DACH2: variants seen among roughly 807,000 people sequenced by gnomAD.
DACH2 encodes the protein dachshund homolog 2.
In DACH2, 17 loss-of-function variants were observed where a neutral mutation model predicts 35.8. The ratio of observed to expected loss-of-function variants is 0.48; its 90% CI spans 0.33 to 0.71. The LOEUF is 0.71. Among genes scored for constraint, DACH2 ranks in the 30% least tolerant of loss-of-function variants. The probability of loss-of-function intolerance (pLI) is 0.02; values close to 1 mark genes in which losing one functional copy is unlikely to be tolerated. For missense variants in DACH2, 469 were observed against 472.7 expected, an observed-to-expected ratio of 0.99 and a Z score of 0.07; for synonymous variants, 195 against 177.3, an observed-to-expected ratio of 1.10 and a Z score of -0.79.
At chrX:86,159,127 T>TA (rs112178685) in intron 1 of DACH2, among the ~76,000 whole-genome samples, 2,033 of 111,360 alleles carry the variant, frequency 0.018, 50 homozygotes, top group African/African-American at 0.063. Flanking sequence ...TGTGGATTTT[T>TA]AAAAAAATTA....
chrX:86,227,293 G>A (rs2032846078), intron 1 of DACH2, among the ~76,000 whole-genome samples: 2 of 111,600 alleles, frequency 1.8e-5, no homozygotes, highest in African/African-American at 6.5e-5. Flanking sequence ...AATATGCCAT[G>A]CTGGTTTACA....
intron 3 of DACH2, among the ~76,000 whole-genome samples, chrX:86,596,234 GTATT>G (rs2039709890): frequency 9.0e-6 from 1 of 111,613 alleles, no homozygotes; most frequent in South Asian, 3.7e-4. Flanking sequence ...ATTCTTTTGA[GTATT>G]TACGTAAGAG....
chrX:86,533,871 T>G (rs968123122), intron 3 of DACH2, among the ~76,000 whole-genome samples: 1 of 111,244 alleles, frequency 9.0e-6, no homozygotes, highest in Non-Finnish European at 1.9e-5. Flanking sequence ...GCCAGTGATA[T>G]CTCATGTGAT....
intron 1 of DACH2, among the ~76,000 whole-genome samples, chrX:86,324,762 A>G (rs1453490772): frequency 9.3e-6 from 1 of 108,033 alleles, no homozygotes; most frequent in Non-Finnish European, 1.9e-5. Context: ...TATTTTTAGT[A>G]GAAATGGGGT....
intron 2 of DACH2, among the ~76,000 whole-genome samples, chrX:86,473,097 G>A (rs755603221): frequency 6.3e-5 from 7 of 111,459 alleles, no homozygotes; most frequent in South Asian, 3.7e-4. Context: ...CATGCAATGC[G>A]TAATAATCGC....
intron 7 of DACH2, among the ~76,000 whole-genome samples, chrX:86,769,172 TAAG>T (rs1056347085): frequency 1.8e-5 from 2 of 111,277 alleles, no homozygotes; most frequent in African/African-American, 6.5e-5. Context: ...CTCAAAAAAA[TAAG>T]AGCCATCTAT....
At chrX:86,416,531 A>G (rs1464761054) in intron 2 of DACH2, among the ~76,000 whole-genome samples, 1 of 112,064 alleles carries the variant, frequency 8.9e-6, no homozygotes, top group African/African-American at 3.2e-5. Flanking sequence ...TTATGAGAGT[A>G]GCAAAAGATG....
chrX:86,507,601 C>G (rs1446880806), intron 2 of DACH2, among the ~76,000 whole-genome samples: 1 of 110,921 alleles, frequency 9.0e-6, no homozygotes, highest in African/African-American at 3.3e-5. Context: ...TCAAATACTA[C>G]GGTTAGCATG....
At chrX:86,309,672 T>C (rs867626200) in intron 1 of DACH2, among the ~76,000 whole-genome samples, 3 of 111,813 alleles carry the variant, frequency 2.7e-5, no homozygotes, top group Admixed American at 9.5e-5. Flanking sequence ...CTCAGTAAAA[T>C]TTCTAGGGGT....
chrX:86,608,483 G>A (rs963037690), intron 3 of DACH2, among the ~76,000 whole-genome samples: 1 of 111,972 alleles, frequency 8.9e-6, no homozygotes. Flanking sequence ...ACATACCACA[G>A]TTAACAGTGT....
chrX:86,758,157 T>C (rs1367679506), intron 7 of DACH2, among the ~76,000 whole-genome samples: 1 of 111,702 alleles, frequency 9.0e-6, no homozygotes, highest in Non-Finnish European at 1.9e-5. Flanking sequence ...CTTTTGTTCC[T>C]GGTTAATGTA....
At chrX:86,792,094 G>A (rs1231035353) in intron 7 of DACH2, among the ~76,000 whole-genome samples, 3 of 111,347 alleles carry the variant, frequency 2.7e-5, no homozygotes, top group Non-Finnish European at 3.8e-5. Flanking sequence ...GAGGCAGGGA[G>A]GAATGATTCT....
At position 86,499,811 on chromosome X, in the gene DACH2, A is replaced by G. The variant is rs765749518; in HGVS notation, c.528-14468A>G. ...AGAATTATTTGATTTAGAAAATATTACCACAATGCTTTCCTTTCAGGCAAT... is the reference window on the plus strand; with the variant it reads ...AGAATTATTTGATTTAGAAAATATTGCCACAATGCTTTCCTTTCAGGCAAT... On this transcript the variant is annotated intron_variant, in intron 2 of 11. Transcript: ENST00000373125. 8.0e-5 allele frequency among the ~76,000 whole-genome samples: 9 copies of G among 112,342 alleles called. No homozygotes were observed. In the East Asian group the frequency reaches 2.2e-3, roughly 28 times the overall value.
At chrX:86,703,292 A>G (rs1035953148) in intron 5 of DACH2, among the ~76,000 whole-genome samples, 8 of 111,444 alleles carry the variant, frequency 7.2e-5, no homozygotes, top group Non-Finnish European at 1.3e-4. Context: ...GCCATATATG[A>G]CAAACCAACA....
chrX:86,184,816 A>G (rs747203934), intron 1 of DACH2, among the ~76,000 whole-genome samples: 1 of 112,096 alleles, frequency 8.9e-6, no homozygotes, highest in Admixed American at 9.5e-5. Context: ...GCTACCGGAC[A>G]CAGATTTTAA....
chrX:86,759,943 A>C (rs760122273), intron 7 of DACH2, among the ~76,000 whole-genome samples: 81 of 111,868 alleles, frequency 7.2e-4, no homozygotes, highest in African/African-American at 2.5e-3. Context: ...GCTGGGAAAA[A>C]ATTATTTCTT....
chrX:86,403,497 G>A (rs1256834125), intron 2 of DACH2, among the ~76,000 whole-genome samples: 3 of 111,891 alleles, frequency 2.7e-5, no homozygotes, highest in African/African-American at 6.5e-5. Flanking sequence ...AGTCAGAATG[G>A]CTATTACTAA....
At chrX:86,636,984 A>G (rs2040274126) in intron 3 of DACH2, among the ~76,000 whole-genome samples, 1 of 101,335 alleles carries the variant, frequency 9.9e-6, no homozygotes, top group Non-Finnish European at 2.0e-5. Flanking sequence ...AATATCCAGC[A>G]TCTATAATAA....
chrX:86,183,992 G>C (rs1263055750), intron 1 of DACH2, among the ~76,000 whole-genome samples: 5 of 111,270 alleles, frequency 4.5e-5, no homozygotes, highest in Non-Finnish European at 9.4e-5. Flanking sequence ...TCTGATGGTA[G>C]TTTGTATTTC....
Sources: allele counts gnomAD v4.1 joint callset (sites outside exome capture counted in the v4.1 genomes callset), GRCh38; gene constraint gnomAD v4.1.1; transcripts MANE v1.5; gene names NCBI Gene and HGNC (gene_info 2026-07-23, HGNC 2026-07-21).